The following PUS10 variants were observed in gnomAD, a reference collection of about 807,000 sequenced individuals.
PUS10 encodes tRNA pseudouridine synthase Pus10.
PUS10 carries 59 observed loss-of-function variants against 75.0 expected under a neutral mutation model. That is an observed-to-expected ratio of 0.79 (90% CI 0.64 to 0.98). The LOEUF is 0.98. Ranked by LOEUF, PUS10 falls within the 50% of genes least tolerant of loss-of-function variation. The pLI is 0.00. For missense variants in PUS10, 650 were observed against 614.4 expected, an observed-to-expected ratio of 1.06 and a Z score of -0.61; for synonymous variants, 219 against 211.6, an observed-to-expected ratio of 1.03 and a Z score of -0.30.
At chr2:61,000,041 C>T (rs980165040) in intron 4 of PUS10, among the ~76,000 whole-genome samples, 2 of 152,006 alleles carry the variant, frequency 1.3e-5, no homozygotes, top group Admixed American at 6.5e-5. Flanking sequence ...GTGAGGGGCT[C>T]GGGGGTCCTA....
At chr2:61,016,796 C>T (rs1388049549) in intron 1 of PUS10, among the ~76,000 whole-genome samples, 1 of 152,162 alleles carries the variant, frequency 6.6e-6, no homozygotes, top group Admixed American at 6.5e-5. Flanking sequence ...AATGACCAGA[C>T]TGAGTCTCAT....
intron 5 of PUS10, among the ~76,000 whole-genome samples, chr2:60,970,632 T>C (rs542691107): frequency 1.3e-5 from 2 of 152,138 alleles, no homozygotes; most frequent in Non-Finnish European, 2.9e-5. Flanking sequence ...TTTGATTATG[T>C]AGTACCACCC....
intron 16 of PUS10, among the ~76,000 whole-genome samples, chr2:60,947,800 G>A (rs1434360651): frequency 1.5e-5 from 2 of 135,590 alleles, no homozygotes; most frequent in Non-Finnish European, 3.0e-5. Flanking sequence ...CCGCACTCCA[G>A]CCTGGGCGAC....
At chr2:60,996,967 T>G (rs188961496) in intron 4 of PUS10, among the ~76,000 whole-genome samples, 1 of 152,186 alleles carries the variant, frequency 6.6e-6, no homozygotes, top group African/African-American at 2.4e-5. Context: ...CACAACCATA[T>G]ACACATTGAT....
chr2:60,983,273 T>A (rs1276729339), intron 4 of PUS10, among the ~76,000 whole-genome samples: 1 of 152,196 alleles, frequency 6.6e-6, no homozygotes, highest in Non-Finnish European at 1.5e-5. Flanking sequence ...AAGGAAATTA[T>A]TAGTTTACTT....
intron 14 of PUS10, 21 bp downstream of exon 14, chr2:60,953,912 C>T: frequency 6.2e-7 from 1 of 1,607,110 alleles, no homozygotes; most frequent in Non-Finnish European, 8.5e-7. Context: ...TTGAAATCAT[C>T]TCCAATGAGC....
At position 61,002,529 on chromosome 2, in the gene PUS10, C is replaced by A. The variant is rs184401062; in HGVS notation, c.468+4028G>T. On this transcript the variant is annotated intron_variant, in intron 4 of 17. Coordinates refer to ENST00000316752, the MANE Select transcript of PUS10 (RefSeq NM_144709.4). Reference sequence around the variant, plus strand: ...GTGGTGCAATCTCAGCTCACCGCAACCTCCGCCTCCTGGGCTACAGTGATC... The same window carrying A: ...GTGGTGCAATCTCAGCTCACCGCAAACTCCGCCTCCTGGGCTACAGTGATC... Among the ~76,000 whole-genome samples, 156 of 152,304 alleles carry A rather than the reference C, an allele frequency of 1.0e-3. 1 individual carries two copies. Among genetic ancestry groups the A allele is most frequent in the African/African-American group, 3.5e-3 (147 of 41,560 alleles).
At chr2:60,995,051 C>G (rs1375492448) in intron 4 of PUS10, among the ~76,000 whole-genome samples, 4 of 152,160 alleles carry the variant, frequency 2.6e-5, no homozygotes, top group African/African-American at 9.7e-5. Flanking sequence ...GATCACACCA[C>G]TGCACTCCAG....
In PUS10 at chr2:61,018,018, T is replaced by C. The variant is rs905229324; in HGVS notation, c.-26A>G. On this transcript the variant is annotated 5_prime_UTR_variant, in exon 1 of 18. Transcript: ENST00000316752. ...AGCTGGGGCGCTTACCAGTGGGGAC[T>C]TTAGTGTCTCACAGCTGTTTCTGAC... is the stretch of plus-strand genomic sequence containing the variant. 7.2e-7 allele frequency: 1 copy of C among 1,387,978 alleles called. No homozygotes were observed. The highest frequency in any genetic ancestry group is 9.6e-7 in the Non-Finnish European group (1 of 1,036,364). The allele number at this position is 1,387,978 out of a possible 1,614,324, so 86.0% of individuals were successfully genotyped here.
intron 15 of PUS10, among the ~76,000 whole-genome samples, chr2:60,950,960 T>C (rs938382934): frequency 6.6e-6 from 1 of 152,218 alleles, no homozygotes; most frequent in African/African-American, 2.4e-5. Context: ...ACATTTCTAC[T>C]GAGAACTCTC....
chr2:60,978,421 T>TAAAA (rs71398605), intron 4 of PUS10, among the ~76,000 whole-genome samples: 2 of 99,386 alleles, frequency 2.0e-5, no homozygotes, highest in Non-Finnish European at 4.0e-5. Flanking sequence ...GACTCCATCT[T>TAAAA]AAAAAAAAAA....
chr2:60,951,684 C>T (rs1283689137), intron 15 of PUS10, among the ~76,000 whole-genome samples: 2 of 152,220 alleles, frequency 1.3e-5, no homozygotes. Flanking sequence ...GCTTTGCTGT[C>T]TCATCTGCTG....
intron 4 of PUS10, among the ~76,000 whole-genome samples, chr2:60,997,337 G>A (rs575999825): frequency 6.7e-4 from 102 of 152,152 alleles, no homozygotes; most frequent in Non-Finnish European, 1.2e-3. Flanking sequence ...GGGGCCAGGC[G>A]CGGTGGCTCA....
chr2:60,968,825 A>G (rs546184231), intron 5 of PUS10, among the ~76,000 whole-genome samples: 1 of 152,332 alleles, frequency 6.6e-6, no homozygotes, highest in African/African-American at 2.4e-5. Flanking sequence ...TCTGACAAAT[A>G]ATCAAATTAT....
chr2:61,011,688 A>C, intron 2 of PUS10, 77 bp downstream of exon 2: 1 of 1,142,866 alleles, frequency 8.7e-7, no homozygotes, highest in Non-Finnish European at 1.2e-6. Context: ...ACCTGCCCTC[A>C]AAAGTACAAG....
chr2:61,008,629 C>A (rs1679393999), intron 3 of PUS10, 132 bp downstream of exon 3: 1 of 722,498 alleles, frequency 1.4e-6, no homozygotes. Context: ...CACTGCACTT[C>A]AGCCTAGGCA....
At chr2:61,001,401 C>T (rs1198195615) in intron 4 of PUS10, among the ~76,000 whole-genome samples, 2 of 152,012 alleles carry the variant, frequency 1.3e-5, no homozygotes, top group Non-Finnish European at 2.9e-5. Context: ...CTCAGCCTCC[C>T]AAATAGCTGG....
Position 60,953,021 on chromosome 2 carries a change from G to A in PUS10, c.1284C>T (p.Asp428=). 1 of 1,574,236 alleles carries A rather than the reference G, an allele frequency of 6.4e-7. No homozygotes were observed. Among genetic ancestry groups the A allele is most frequent in the Non-Finnish European group, 8.7e-7 (1 of 1,144,244 alleles). The change falls in exon 15 of 18, where the codon GAC becomes GAT. Residue 428 remains aspartate (D), a synonymous_variant. Transcript: ENST00000316752. ...CCTTTATGTCATTTAGGAATTCAAT[G>A]TCTTTCTTCTGTATCGCTTTATTTG... ...IWTNKAIQKK[D]IEFLNDIKDL... is the part of the protein sequence containing the mutation.
intron 16 of PUS10, among the ~76,000 whole-genome samples, chr2:60,945,361 C>T (rs1558856390): frequency 6.6e-6 from 1 of 152,186 alleles, no homozygotes; most frequent in African/African-American, 2.4e-5. Flanking sequence ...CTTTATAGCT[C>T]ATCTCCAAGT....
Sources: allele counts gnomAD v4.1 joint callset (sites outside exome capture counted in the v4.1 genomes callset), GRCh38; gene constraint gnomAD v4.1.1; transcripts MANE v1.5; gene names NCBI Gene and HGNC (gene_info 2026-07-23, HGNC 2026-07-21).